Variants in GNA14 observed in about 807,000 individuals in gnomAD.
GNA14 encodes the protein guanine nucleotide-binding protein subunit alpha-14.
In GNA14, 50 loss-of-function variants were observed where a neutral mutation model predicts 42.0. That is an observed-to-expected ratio of 1.19 (90% CI 0.95 to 1.51). GNA14 has a LOEUF of 1.51. Among genes scored for constraint, GNA14 ranks in the 40% most tolerant of loss-of-function variants. The pLI, the probability that GNA14 is intolerant of heterozygous loss-of-function variation, is 0.00. For missense variants in GNA14, 473 were observed against 446.2 expected, an observed-to-expected ratio of 1.06 and a Z score of -0.54; for synonymous variants, 173 against 163.1, an observed-to-expected ratio of 1.06 and a Z score of -0.46.
chr9:77,526,139 G>A lies in GNA14; in HGVS notation c.309+2930C>T, dbSNP rs1015390695. Among the ~76,000 whole-genome samples the A allele has an allele frequency of 2.9e-5, 4 of 139,274 alleles. No individual in the cohort carries two copies. The Admixed American group carries it at 2.9e-4, about 10-fold the overall frequency. 91.4% of individuals were successfully genotyped at this position (139,274 alleles called of 152,430 possible). ...TTACCCAGGCTGATCTCAAAACCCT[G>A]GGCTCAAGAGATGGCTGCCTGCCTC... On this transcript the variant is annotated intron_variant, in intron 2 of 6. Coordinates refer to ENST00000341700, the MANE Select transcript of GNA14 (RefSeq NM_004297.4).
chr9:77,553,077 A>C (rs1326988143), intron 1 of GNA14, among the ~76,000 whole-genome samples: 1 of 152,240 alleles, frequency 6.6e-6, no homozygotes, highest in African/African-American at 2.4e-5. Context: ...TCAAAGTCCC[A>C]AACTAGCCTT....
At chr9:77,444,526 C>G (rs956106634) in intron 2 of GNA14, among the ~76,000 whole-genome samples, 34 of 152,180 alleles carry the variant, frequency 2.2e-4, no homozygotes, top group African/African-American at 7.7e-4. Context: ...TCTGCTTTGT[C>G]TTTGCAGGTT....
At chr9:77,593,827 A>G (rs529511507) in intron 1 of GNA14, among the ~76,000 whole-genome samples, 84 of 152,352 alleles carry the variant, frequency 5.5e-4, no homozygotes, top group Non-Finnish European at 1.1e-3. Flanking sequence ...GCAAGGCTGA[A>G]AGAAAAACAA....
chr9:77,541,985 C>T (rs1404281817), intron 1 of GNA14, among the ~76,000 whole-genome samples: 2 of 152,146 alleles, frequency 1.3e-5, no homozygotes, highest in African/African-American at 2.4e-5. Context: ...TTGTATCTCA[C>T]TGAGCTTCTT....
intron 1 of GNA14, among the ~76,000 whole-genome samples, chr9:77,626,654 A>C (rs918467277): frequency 1.4e-4 from 21 of 152,224 alleles, no homozygotes; most frequent in African/African-American, 4.8e-4. Flanking sequence ...TAAATAATGA[A>C]ATTAAAGCAG....
chr9:77,522,670 G>A (rs1298784499), intron 2 of GNA14, among the ~76,000 whole-genome samples: 1 of 152,120 alleles, frequency 6.6e-6, no homozygotes, highest in Non-Finnish European at 1.5e-5. Flanking sequence ...ACCTGGGAGG[G>A]ACCTAAAACT....
intron 1 of GNA14, among the ~76,000 whole-genome samples, chr9:77,570,074 G>A (rs1270561129): frequency 6.6e-6 from 1 of 152,032 alleles, no homozygotes; most frequent in Non-Finnish European, 1.5e-5. Flanking sequence ...TCATGGAAGC[G>A]AAAATGTCCA....
chr9:77,596,209 G>GA (rs1476536768), intron 1 of GNA14, among the ~76,000 whole-genome samples: 6 of 151,844 alleles, frequency 4.0e-5, no homozygotes, highest in African/African-American at 1.5e-4. Context: ...AAATGTCATT[G>GA]ACTGCATCAA....
rs1415601986 is a variant in GNA14, at chr9:77,587,328, A to G, written c.125-58075T>C. On this transcript the variant is annotated intron_variant, in intron 1 of 6. Coordinates refer to ENST00000341700, the MANE Select transcript of GNA14 (RefSeq NM_004297.4). Reference sequence around the variant, plus strand: ...TATACCCCCAATACTGAAAGCAGGAACTCATATTAGTATCTATACTCACAT... The same window carrying G: ...TATACCCCCAATACTGAAAGCAGGAGCTCATATTAGTATCTATACTCACAT... 4.6e-5 allele frequency among the ~76,000 whole-genome samples: 7 copies of G among 152,168 alleles called. 1 individual carries two copies. Among genetic ancestry groups the G allele is most frequent in the Admixed American group, 4.6e-4 (7 of 15,272 alleles).
chr9:77,585,919 G>A (rs1477121921), intron 1 of GNA14, among the ~76,000 whole-genome samples: 1 of 152,100 alleles, frequency 6.6e-6, no homozygotes, highest in Non-Finnish European at 1.5e-5. Flanking sequence ...TCTTATGCCT[G>A]TAATGTATTA....
chr9:77,556,607 A>C (rs1438186181), intron 1 of GNA14, among the ~76,000 whole-genome samples: 1 of 152,134 alleles, frequency 6.6e-6, no homozygotes, highest in Admixed American at 6.6e-5. Context: ...CTCACAGCCC[A>C]GGCCACTCAC....
chr9:77,580,504 G>A (rs972781261), intron 1 of GNA14: 2 of 401,650 alleles, frequency 5.0e-6, no homozygotes, highest in African/African-American at 2.1e-5. Flanking sequence ...CATGGTTGTG[G>A]GTGAGCTTAA....
chr9:77,469,549 T>A (rs184504088), intron 2 of GNA14, among the ~76,000 whole-genome samples: 220 of 141,348 alleles, frequency 1.6e-3, no homozygotes, highest in Middle Eastern at 3.8e-3. Context: ...AAAAAAAAAG[T>A]CTGGTTAAAG....
At chr9:77,645,015 A>C (rs1824331681) in intron 1 of GNA14, among the ~76,000 whole-genome samples, 1 of 152,194 alleles carries the variant, frequency 6.6e-6, no homozygotes, top group Non-Finnish European at 1.5e-5. Flanking sequence ...TCACACCAAC[A>C]TCTTGCAATT....
chr9:77,603,109 C>CTGGCTCAAAATGA (rs1823593928), intron 1 of GNA14, among the ~76,000 whole-genome samples: 1 of 152,204 alleles, frequency 6.6e-6, no homozygotes, highest in Non-Finnish European at 1.5e-5. Flanking sequence ...ACACAGTTGG[C>CTGGCTCAAAATGA]TGGCTCAAAA....
At chr9:77,431,024 TTG>T (rs10631280) in intron 4 of GNA14, among the ~76,000 whole-genome samples, 2,634 of 101,436 alleles carry the variant, frequency 0.026, 35 homozygotes, top group Middle Eastern at 0.034. Flanking sequence ...AAGTATACAT[TTG>T]TGTGTGTGTG....
At chr9:77,513,283 C>T (rs1319113202) in intron 2 of GNA14, among the ~76,000 whole-genome samples, 1 of 152,228 alleles carries the variant, frequency 6.6e-6, no homozygotes, top group Non-Finnish European at 1.5e-5. Flanking sequence ...TAGTTAGCAG[C>T]TCTGCCTGGG....
At chr9:77,634,419 A>G (rs1165225367) in intron 1 of GNA14, among the ~76,000 whole-genome samples, 1 of 142,680 alleles carries the variant, frequency 7.0e-6, no homozygotes. Flanking sequence ...CTCAAAAAGA[A>G]AAAAAAAAAA....
chr9:77,427,694 C>T (rs1835474890), intron 5 of GNA14, among the ~76,000 whole-genome samples: 1 of 124,374 alleles, frequency 8.0e-6, no homozygotes, highest in African/African-American at 3.1e-5. Context: ...AGGGCAGCTC[C>T]CACTGATGGA....
Sources: allele counts gnomAD v4.1 joint callset (sites outside exome capture counted in the v4.1 genomes callset), GRCh38; gene constraint gnomAD v4.1.1; transcripts MANE v1.5; gene names NCBI Gene and HGNC (gene_info 2026-07-23, HGNC 2026-07-21).